Variants in RIC8B observed in about 807,000 individuals in gnomAD.
RIC8B encodes the protein chaperone Ric-8B.
Under a neutral mutation model 57.5 loss-of-function variants are expected in RIC8B, and 16 were observed. The observed-to-expected ratio is 0.28, with a 90% CI of 0.19 to 0.42. The LOEUF (loss-of-function observed/expected upper bound fraction) is 0.42, where lower values mean the gene tolerates loss of function less well. Ranked by LOEUF, RIC8B falls within the 10% of genes least tolerant of loss-of-function variation. RIC8B has a pLI of 1.00. For missense variants in RIC8B, 481 were observed against 677.0 expected (o/e 0.71, Z 3.21); for synonymous variants, 216 against 250.8 (o/e 0.86, Z 1.31).
intron 2 of RIC8B, among the ~76,000 whole-genome samples, chr12:106,805,782 AT>A: frequency 6.6e-6 from 1 of 152,260 alleles, no homozygotes; most frequent in East Asian, 1.9e-4. Flanking sequence ...GTGGACTAGT[AT>A]ATTTTCTCTT....
intron 2 of RIC8B, among the ~76,000 whole-genome samples, chr12:106,799,857 A>G (rs1343556605): frequency 6.6e-6 from 1 of 152,072 alleles, no homozygotes; most frequent in Non-Finnish European, 1.5e-5. Flanking sequence ...GTTCTCGGCT[A>G]TCTTAGTCTG....
At chr12:106,799,981 C>T (rs891630814) in intron 2 of RIC8B, among the ~76,000 whole-genome samples, 3 of 152,104 alleles carry the variant, frequency 2.0e-5, no homozygotes, top group African/African-American at 2.4e-5. Flanking sequence ...GATTTCCTTT[C>T]GAAGCCTTTT....
chr12:106,868,784 C>G lies in RIC8B; in HGVS notation c.1452-2039C>G, dbSNP rs1037449656. On this transcript the variant is annotated intron_variant, in intron 8 of 9. Transcript: ENST00000392837. ...CACTCTAGACACACACACACACACA[C>G]ACACACACACACACACACACACACA... Among the ~76,000 whole-genome samples the G allele has an allele frequency of 6.3e-5, 9 of 143,960 alleles. No individual in the cohort carries two copies. The South Asian group carries it at 1.1e-3, about 17-fold the overall frequency. The allele number at this position is 143,960 out of a possible 152,430, so 94.4% of individuals were successfully genotyped here.
intron 2 of RIC8B, among the ~76,000 whole-genome samples, chr12:106,790,595 A>G (rs1006570108): frequency 1.3e-5 from 2 of 152,230 alleles, no homozygotes; most frequent in Non-Finnish European, 2.9e-5. Flanking sequence ...TGGGGAGGAT[A>G]TAATGAATAA....
At chr12:106,880,653 G>A (rs566387537) in intron 9 of RIC8B, among the ~76,000 whole-genome samples, 1 of 152,256 alleles carries the variant, frequency 6.6e-6, no homozygotes, top group East Asian at 1.9e-4. Context: ...AATGTCTGAT[G>A]ATATTAATTC....
intron 4 of RIC8B, among the ~76,000 whole-genome samples, chr12:106,829,406 T>A (rs2046255383): frequency 6.6e-6 from 1 of 152,184 alleles, no homozygotes; most frequent in African/African-American, 2.4e-5. Context: ...AGGACCAGAT[T>A]TGATTTAATT....
chr12:106,865,910 C>T (rs1950118777), intron 8 of RIC8B, among the ~76,000 whole-genome samples: 1 of 152,184 alleles, frequency 6.6e-6, no homozygotes, highest in Non-Finnish European at 1.5e-5. Context: ...GACTGCTGTT[C>T]CTTCTGCCTG....
At chr12:106,863,810 C>T (rs1201704117) in intron 8 of RIC8B, among the ~76,000 whole-genome samples, 3 of 152,038 alleles carry the variant, frequency 2.0e-5, no homozygotes, top group Admixed American at 6.6e-5. Context: ...GATTCACAAT[C>T]GTCAGTTTTC....
At chr12:106,841,206 G>T (rs1566118349) in intron 4 of RIC8B, among the ~76,000 whole-genome samples, 2 of 151,974 alleles carry the variant, frequency 1.3e-5, no homozygotes, top group African/African-American at 4.8e-5. Flanking sequence ...TTTTAGTGAG[G>T]GCAATCAAAT....
chr12:106,842,756 A>G lies in RIC8B; in HGVS notation c.1004A>G (p.Asn335Ser), dbSNP rs1341486708. ...TTGAAAAACAATACCATGGTATACAATGGTATGAATATGGAGGCCATTCAT... is the reference window on the plus strand; with the variant it reads ...TTGAAAAACAATACCATGGTATACAGTGGTATGAATATGGAGGCCATTCAT... ...TVLKNNTMVY[N>S]GMNMEAIHVL... The change falls in exon 5 of 10, where the codon AAT (asparagine) becomes AGT (serine). Residue 335 changes from asparagine to serine, a missense_variant. Transcript: ENST00000392837. 6.2e-6 allele frequency: 10 copies of G among 1,613,564 alleles called. No individual in the cohort carries two copies. The highest frequency in any genetic ancestry group is 2.7e-5 in the African/African-American group (2 of 74,918).
intron 2 of RIC8B, among the ~76,000 whole-genome samples, chr12:106,812,138 T>G (rs1026244463): frequency 6.6e-6 from 1 of 152,182 alleles, no homozygotes; most frequent in Non-Finnish European, 1.5e-5. Context: ...GGCAAAAAGC[T>G]GTGCAACAGT....
intron 8 of RIC8B, among the ~76,000 whole-genome samples, chr12:106,868,798 CACACACACACACACACAG>C (rs1566163934): frequency 6.8e-6 from 1 of 146,672 alleles, no homozygotes; most frequent in African/African-American, 2.6e-5. Context: ...CACACACACA[CACACACACACACACACAG>C]ATTTATTAGT....
Position 106,842,792 on chromosome 12 carries a change from A to G in RIC8B, c.1040A>G (p.Asn347Ser), listed in dbSNP as rs968225070. Residue 347 changes from asparagine to serine, a missense_variant, in exon 5 of 10, where the codon AAT becomes AGT. By Grantham distance (46) the Asn-to-Ser change is conservative. Coordinates refer to ENST00000392837, the MANE Select transcript of RIC8B (RefSeq NM_001330145.2). ...ATGGAGGCCATTCATGTTTTACTGA[A>G]TTTTATGGAGAAGAGAATAGACAAG... ...MNMEAIHVLL[N>S]FMEKRIDKGS... 5 of 1,610,672 alleles carry G rather than the reference A, an allele frequency of 3.1e-6. No homozygotes were observed. The highest frequency in any genetic ancestry group is 3.4e-6 in the Non-Finnish European group (4 of 1,176,984).
chr12:106,785,640 A>G (rs1298958366), intron 2 of RIC8B, among the ~76,000 whole-genome samples: 1 of 152,162 alleles, frequency 6.6e-6, no homozygotes, highest in African/African-American at 2.4e-5. Flanking sequence ...CAATGTAACC[A>G]AGACTAGAAT....
chr12:106,829,961 A>G (rs1352157205), intron 4 of RIC8B, among the ~76,000 whole-genome samples: 2 of 152,182 alleles, frequency 1.3e-5, no homozygotes, highest in Non-Finnish European at 2.9e-5. Context: ...TTCATCCTGT[A>G]TATATGATTC....
chr12:106,815,167 A>G lies in RIC8B; in HGVS notation c.604A>G (p.Ile202Val), dbSNP rs1047029662. ...GCAGATCTTGGAAAGTGCCTTTAGC[A>G]TCAAGTGGACCGATGAGTATGAATC... is the stretch of plus-strand genomic sequence containing the variant. ...LTQILESAFSIKWTDEYESAI... is the reference protein window; with the variant it reads ...LTQILESAFSVKWTDEYESAI... The change falls in exon 3 of 10, where the codon ATC becomes GTC. Residue 202 changes from isoleucine to valine, a missense_variant. Around this residue, in one of 3 missense-constraint regions of RIC8B, gnomAD observed 421 missense variants for 560.9 expected, o/e 0.75. Coordinates refer to ENST00000392837, the MANE Select transcript of RIC8B (RefSeq NM_001330145.2). 6.2e-7 allele frequency: 1 copy of G among 1,614,252 alleles called. No homozygotes were observed. The highest frequency in any genetic ancestry group is 1.7e-5 in the Admixed American group (1 of 60,032).
intron 9 of RIC8B, among the ~76,000 whole-genome samples, chr12:106,883,089 A>G (rs1365255735): frequency 6.6e-6 from 1 of 152,148 alleles, no homozygotes; most frequent in Non-Finnish European, 1.5e-5. Flanking sequence ...TCATCTTTTT[A>G]TCAAAGAGAT....
chr12:106,886,038 A>C lies in RIC8B; in HGVS notation c.*23A>C. The C allele has an allele frequency of 5.9e-4, 851 of 1,453,838 alleles. No individual in the cohort carries two copies. The highest frequency in any genetic ancestry group is 7.6e-4 in the Non-Finnish European group (789 of 1,034,960). The allele number at this position is 1,453,838 out of a possible 1,614,324, so 90.1% of individuals were successfully genotyped here. A position where few individuals can be genotyped will look rare whatever the true frequency, so the allele number is the denominator to read the frequency against. The stretch of plus-strand genomic sequence containing the variant: ...TAAAAGCATCACCTGCTCAACTCTC[A>C]ATATTGCTTTATCAGCATCTTTTCT... On this transcript the variant is annotated 3_prime_UTR_variant, in exon 10 of 10. Transcript: ENST00000392837.
intron 2 of RIC8B, among the ~76,000 whole-genome samples, chr12:106,812,045 A>T (rs72624258): frequency 5.2e-4 from 34 of 65,428 alleles, no homozygotes; most frequent in Admixed American, 7.5e-4. Context: ...CATCACTTTT[A>T]TTTTTTACGT....
Sources: allele counts gnomAD v4.1 joint callset (sites outside exome capture counted in the v4.1 genomes callset), GRCh38; gene constraint gnomAD v4.1.1; regional missense constraint gnomAD v4.1.1; transcripts MANE v1.5; gene names NCBI Gene and HGNC (gene_info 2026-07-23, HGNC 2026-07-21).